Variants in FOXJ3 observed in about 807,000 individuals in gnomAD.
FOXJ3 encodes forkhead box J3.
In FOXJ3, 22 loss-of-function variants were observed where a neutral mutation model predicts 76.1. The ratio of observed to expected loss-of-function variants is 0.29; its 90% CI spans 0.21 to 0.41. The LOEUF is 0.41. FOXJ3 is among the 10% of genes least tolerant of loss of function. The pLI is 1.00. For synonymous variants in FOXJ3, 269 were observed against 261.2 expected (o/e 1.03, Z -0.29); for missense variants, 613 against 762.1 (o/e 0.80, Z 2.30).
At chr1:42,315,504 T>C (rs1655052844) in intron 1 of FOXJ3, 2 of 513,090 alleles carry the variant, frequency 3.9e-6, no homozygotes, top group Non-Finnish European at 5.0e-6. Flanking sequence ...TACCATTTAC[T>C]ATCAAATTCT....
chr1:42,238,722 C>A (rs1350661070), intron 4 of FOXJ3, among the ~76,000 whole-genome samples: 1 of 152,118 alleles, frequency 6.6e-6, no homozygotes, highest in African/African-American at 2.4e-5. Context: ...CCATACCTGG[C>A]AAATTTGTCT....
chr1:42,232,852 G>C (rs1648273711), intron 4 of FOXJ3, among the ~76,000 whole-genome samples: 1 of 152,196 alleles, frequency 6.6e-6, no homozygotes, highest in East Asian at 1.9e-4. Flanking sequence ...TGGTGTTTTA[G>C]ACATGAAGCC....
intron 3 of FOXJ3, among the ~76,000 whole-genome samples, chr1:42,268,305 TAAAA>T (rs1651622611): frequency 6.6e-6 from 1 of 151,820 alleles, no homozygotes; most frequent in African/African-American, 2.4e-5. Flanking sequence ...AGTGACATCT[TAAAA>T]TACTGAAAGA....
chr1:42,250,519 A>C (rs115750762), intron 4 of FOXJ3, among the ~76,000 whole-genome samples: 2,670 of 152,264 alleles, frequency 0.018, 32 homozygotes, highest in Non-Finnish European at 0.027. Flanking sequence ...ATGCATATAC[A>C]CAAGAAGGAC....
intron 3 of FOXJ3, among the ~76,000 whole-genome samples, chr1:42,275,553 T>G (rs1225482249): frequency 6.6e-6 from 1 of 152,096 alleles, no homozygotes; most frequent in East Asian, 1.9e-4. Context: ...CACCCACCCG[T>G]AGTCGTAGCT....
intron 4 of FOXJ3, among the ~76,000 whole-genome samples, chr1:42,257,473 T>C (rs895959116): frequency 6.6e-6 from 1 of 152,110 alleles, no homozygotes; most frequent in Non-Finnish European, 1.5e-5. Context: ...CTCAGCACTT[T>C]GGGAGGCCAA....
At chr1:42,299,438 T>G (rs1389698056) in intron 2 of FOXJ3, among the ~76,000 whole-genome samples, 2 of 152,110 alleles carry the variant, frequency 1.3e-5, no homozygotes, top group African/African-American at 4.8e-5. Context: ...CTGGCATTTG[T>G]TTTCCATTTG....
At chr1:42,254,987 A>G (rs1259826457) in intron 4 of FOXJ3, among the ~76,000 whole-genome samples, 3 of 149,508 alleles carry the variant, frequency 2.0e-5, no homozygotes, top group African/African-American at 7.4e-5. Context: ...AAAAGAAAAG[A>G]AAAAAAAAAG....
chr1:42,257,727 G>C (rs1650710825), intron 4 of FOXJ3, among the ~76,000 whole-genome samples: 1 of 90,564 alleles, frequency 1.1e-5, no homozygotes, highest in Non-Finnish European at 2.2e-5. Flanking sequence ...GATGGAGTGA[G>C]ACTCTGTCTC....
intron 1 of FOXJ3, among the ~76,000 whole-genome samples, chr1:42,333,770 G>A (rs1450673088): frequency 6.6e-6 from 1 of 152,134 alleles, no homozygotes; most frequent in Non-Finnish European, 1.5e-5. Context: ...AAAAAAGAGT[G>A]TGCAATGGGT....
At chr1:42,323,976 C>G (rs1366567930) in intron 1 of FOXJ3, 1 of 148,866 alleles carries the variant, frequency 6.7e-6, no homozygotes, top group Non-Finnish European at 1.5e-5. Flanking sequence ...ATTTCACTGA[C>G]CTGAATGATT....
chr1:42,272,513 T>C (rs1651935117), intron 3 of FOXJ3, among the ~76,000 whole-genome samples: 1 of 152,266 alleles, frequency 6.6e-6, no homozygotes, highest in Non-Finnish European at 1.5e-5. Context: ...TAGTAATCTC[T>C]GGAAATATTA....
chr1:42,332,574 G>A (rs1245536918), intron 1 of FOXJ3, among the ~76,000 whole-genome samples: 5 of 152,010 alleles, frequency 3.3e-5, no homozygotes, highest in African/African-American at 7.2e-5. Context: ...AGGACACTCA[G>A]CTGAAACAAA....
intron 5 of FOXJ3, among the ~76,000 whole-genome samples, chr1:42,215,779 T>C (rs1647052198): frequency 6.6e-6 from 1 of 152,044 alleles, no homozygotes; most frequent in African/African-American, 2.4e-5. Context: ...ATGATGGAGG[T>C]CATAAGACAG....
At chr1:42,260,743 T>G (rs1650970049) in intron 4 of FOXJ3, among the ~76,000 whole-genome samples, 2 of 152,220 alleles carry the variant, frequency 1.3e-5, no homozygotes, top group Admixed American at 1.3e-4. Flanking sequence ...GAATTTGTTA[T>G]TTCCTCACAA....
intron 2 of FOXJ3, among the ~76,000 whole-genome samples, chr1:42,295,541 T>G (rs1042046471): frequency 8.8e-5 from 13 of 147,560 alleles, no homozygotes; most frequent in African/African-American, 3.0e-4. Context: ...TTTTTTTTTT[T>G]TTGGTGAGAC....
intron 6 of FOXJ3, among the ~76,000 whole-genome samples, chr1:42,202,539 T>C (rs1473928309): frequency 6.6e-6 from 1 of 152,186 alleles, no homozygotes; most frequent in African/African-American, 2.4e-5. Flanking sequence ...TGGTTAACTA[T>C]GTGGGTAAAT....
intron 2 of FOXJ3, among the ~76,000 whole-genome samples, chr1:42,298,188 C>T (rs1280762944): frequency 6.6e-6 from 1 of 152,226 alleles, no homozygotes; most frequent in Non-Finnish European, 1.5e-5. Context: ...TCCCCTTCTG[C>T]CATGATTATA....
In FOXJ3 at chr1:42,230,842, C is replaced by T. The variant is rs564334162; in HGVS notation, c.445-2876G>A. The stretch of plus-strand genomic sequence containing the variant: ...ATTACCAAATCATCCAGCAATTCCA[C>T]TTTTGGATATATATCCAAAAGATAC... On this transcript the variant is annotated intron_variant, in intron 4 of 12. Transcript: ENST00000361346. Among the ~76,000 whole-genome samples the T allele has an allele frequency of 1.4e-3, 220 of 152,220 alleles. 1 individual carries two copies. The highest frequency in any genetic ancestry group is 4.4e-3 in the African/African-American group (184 of 41,536).
Sources: gnomAD v4.1 joint callset for allele counts (sites outside exome capture counted in the v4.1 genomes callset) on GRCh38, gnomAD v4.1.1 for gene constraint, MANE v1.5 for transcripts, NCBI Gene and HGNC (gene_info 2026-07-23, HGNC 2026-07-21) for gene names.